FAAH2: variants seen among roughly 807,000 people sequenced by gnomAD.
FAAH2 encodes fatty acid amide hydrolase 2.
A neutral mutation model predicts 36.9 loss-of-function variants in FAAH2; 60 were observed. The observed-to-expected ratio is 1.63, with a 90% CI of 1.32 to 2.02. The LOEUF (loss-of-function observed/expected upper bound fraction) is 2.02, where lower values mean the gene tolerates loss of function less well. Among genes scored for constraint, FAAH2 ranks in the 30% most tolerant of loss-of-function variants. FAAH2 has a pLI of 0.00. For synonymous variants in FAAH2, 214 were observed against 143.8 expected (o/e 1.49, Z -3.49); for missense variants, 689 against 397.5 (o/e 1.73, Z -6.23).
At chrX:57,343,881 C>T (rs189192811) in intron 5 of FAAH2, among the ~76,000 whole-genome samples, 1 of 111,111 alleles carries the variant, frequency 9.0e-6, no homozygotes, top group African/African-American at 3.3e-5. Context: ...GTCCTGTTAC[C>T]CTTGCTTTTG....
Position 57,286,915 on chromosome X carries a change from C to A in FAAH2, c.90C>A (p.Val30=). 1 of 1,206,720 alleles carries A rather than the reference C, an allele frequency of 8.3e-7. No homozygotes were observed. The highest frequency in any genetic ancestry group is 1.1e-6 in the Non-Finnish European group (1 of 893,395). ...GCTTAGTAGGCCGAGCAGCTTTAGT[C>A]TTAGGGGGTCCAAAGTTTGCCTCAA... The part of the protein sequence containing the change: ...LIGLVGRAAL[V]LGGPKFASKT... Residue 30 remains valine (V), a synonymous_variant, in exon 1 of 11, where the codon GTC becomes GTA. Coordinates refer to ENST00000374900, the MANE Select transcript of FAAH2 (RefSeq NM_174912.4).
chrX:57,239,864 G>A, the FAAH2 span, among the ~76,000 whole-genome samples: 5 of 111,952 alleles, frequency 4.5e-5, no homozygotes, highest in Non-Finnish European at 7.5e-5. Context: ...CTTGTAGTGA[G>A]TATTTCAGCT....
At position 57,341,326 on chromosome X, in the gene FAAH2, T is replaced by C. The variant is rs1247036214; in HGVS notation, c.678T>C (p.Asp226=). 18 of 1,208,904 alleles carry C rather than the reference T, an allele frequency of 1.5e-5. No individual in the cohort carries two copies. The highest frequency in any genetic ancestry group is 1.9e-5 in the Non-Finnish European group (17 of 894,456). Reference sequence around the variant, plus strand: ...GCTCAGTTATTGGTGTGGGCTCTGATATTGGTGGTAGCATTCGAATGCCTG... The same window carrying C: ...GCTCAGTTATTGGTGTGGGCTCTGACATTGGTGGTAGCATTCGAATGCCTG... The part of the protein sequence containing the change: ...AACSVIGVGS[D]IGGSIRMPAF... Residue 226 remains aspartate, a synonymous_variant, in exon 5 of 11, where the codon GAT becomes GAC. Transcript: ENST00000374900.
chrX:57,165,548 G>C, the FAAH2 span, among the ~76,000 whole-genome samples: 3 of 109,916 alleles, frequency 2.7e-5, no homozygotes, highest in African/African-American at 9.9e-5. Flanking sequence ...TGTGGGGTTG[G>C]GGGAGGGTGG....
intron 7 of FAAH2, among the ~76,000 whole-genome samples, chrX:57,430,941 G>T (rs1311964790): frequency 9.0e-6 from 1 of 111,626 alleles, no homozygotes; most frequent in Non-Finnish European, 1.9e-5. Flanking sequence ...TAAGAATTTG[G>T]ATTCTTTCCT....
chrX:57,251,816 G>GTT, the FAAH2 span, among the ~76,000 whole-genome samples: 1 of 111,776 alleles, frequency 8.9e-6, no homozygotes, highest in African/African-American at 3.3e-5. Flanking sequence ...TTCCAACTGA[G>GTT]TTACCTGGTT....
chrX:57,340,336 C>T (rs1348048373), intron 4 of FAAH2, among the ~76,000 whole-genome samples: 4 of 111,592 alleles, frequency 3.6e-5, no homozygotes, highest in African/African-American at 6.5e-5. Context: ...TCCACTGACT[C>T]GAATATTAAT....
intron 7 of FAAH2, among the ~76,000 whole-genome samples, chrX:57,388,363 G>A (rs986899275): frequency 2.7e-5 from 3 of 110,947 alleles, no homozygotes; most frequent in Non-Finnish European, 5.7e-5. Context: ...CTTTGTGGGG[G>A]ATATTTTATA....
chrX:57,339,698 G>A (rs2147048654), intron 4 of FAAH2, among the ~76,000 whole-genome samples: 1 of 112,235 alleles, frequency 8.9e-6, no homozygotes, highest in African/African-American at 3.2e-5. Context: ...ACCACAATGA[G>A]ATACCATCTC....
intron 1 of FAAH2, among the ~76,000 whole-genome samples, chrX:57,289,937 C>T (rs1483858809): frequency 1.8e-5 from 2 of 110,645 alleles, no homozygotes; most frequent in Non-Finnish European, 3.8e-5. Flanking sequence ...GATTTTCTAA[C>T]GATGTACCTA....
At chrX:57,408,374 G>T (rs2055618025) in intron 7 of FAAH2, among the ~76,000 whole-genome samples, 1 of 109,737 alleles carries the variant, frequency 9.1e-6, no homozygotes. Flanking sequence ...TTCTCCTCTT[G>T]GTTGAACTTA....
intron 2 of FAAH2, among the ~76,000 whole-genome samples, chrX:57,309,333 G>A (rs1216891899): frequency 1.8e-5 from 2 of 111,949 alleles, no homozygotes; most frequent in Non-Finnish European, 3.8e-5. Flanking sequence ...TTTTGCTTAC[G>A]ATTTTCACAT....
chrX:57,378,707 C>A lies in FAAH2; in HGVS notation c.799C>A (p.Leu267Met), dbSNP rs1213555569. The A allele has an allele frequency of 8.3e-7, 1 of 1,208,915 alleles. No homozygotes were observed. The highest frequency in any genetic ancestry group is 1.1e-6 in the Non-Finnish European group (1 of 894,833). ...GGCTGTGGGAGCCCAGGAGTTGTTTCTGTGCACTGGTCCTATGTGCCGTTA... is the reference window on the plus strand; with the variant it reads ...GGCTGTGGGAGCCCAGGAGTTGTTTATGTGCACTGGTCCTATGTGCCGTTA... ...PLAVGAQELFLCTGPMCRYAE... is the reference protein window; with the variant it reads ...PLAVGAQELFMCTGPMCRYAE... The change falls in exon 6 of 11, where the codon CTG becomes ATG. Residue 267 changes from leucine to methionine, a missense_variant. By Grantham distance (15) the Leu-to-Met change is conservative. Coordinates refer to ENST00000374900, the MANE Select transcript of FAAH2 (RefSeq NM_174912.4).
intron 3 of FAAH2, among the ~76,000 whole-genome samples, chrX:57,321,862 G>A (rs766433431): frequency 8.9e-6 from 1 of 111,884 alleles, no homozygotes; most frequent in Admixed American, 9.5e-5. Context: ...GTGTACTTGT[G>A]TGTTTCTGTA....
chrX:57,364,946 A>T (rs1365289458), intron 5 of FAAH2, among the ~76,000 whole-genome samples: 1 of 111,652 alleles, frequency 9.0e-6, no homozygotes, highest in Non-Finnish European at 1.9e-5. Context: ...TTTTAAAATT[A>T]GTTTGGATGT....
At chrX:57,282,098 C>A (rs2051760406), upstream of FAAH2, among the ~76,000 whole-genome samples, 1 of 112,040 alleles carries the variant, frequency 8.9e-6, no homozygotes, top group South Asian at 3.7e-4. Context: ...AATGAGATTG[C>A]TTGGTCAAAT....
chrX:57,190,498 C>T, the FAAH2 span, among the ~76,000 whole-genome samples: 8 of 109,683 alleles, frequency 7.3e-5, no homozygotes, highest in South Asian at 2.0e-3. Context: ...ACCAAACAGC[C>T]GCCCAGTTTT....
chrX:57,484,739 T>C (rs968859184), intron 10 of FAAH2, among the ~76,000 whole-genome samples: 5 of 111,189 alleles, frequency 4.5e-5, no homozygotes, highest in African/African-American at 1.6e-4. Flanking sequence ...TGTAAGCTAG[T>C]TAGGTTAGTC....
At chrX:57,328,402 A>G (rs2053289162) in intron 3 of FAAH2, among the ~76,000 whole-genome samples, 1 of 111,615 alleles carries the variant, frequency 9.0e-6, no homozygotes, top group Admixed American at 9.5e-5. Flanking sequence ...TTTCTGCTCT[A>G]TCAGGTTGAT....
Sources: gnomAD v4.1 joint callset for allele counts (sites outside exome capture counted in the v4.1 genomes callset) on GRCh38, gnomAD v4.1.1 for gene constraint, MANE v1.5 for transcripts, NCBI Gene and HGNC (gene_info 2026-07-23, HGNC 2026-07-21) for gene names.